Variants in LRRC1 observed in about 807,000 individuals in gnomAD.
LRRC1 encodes leucine-rich repeat-containing protein 1.
In LRRC1, 28 loss-of-function variants were observed where a neutral mutation model predicts 69.9. The ratio of observed to expected loss-of-function variants is 0.40; its 90% CI spans 0.30 to 0.55. The LOEUF is 0.55. Among genes scored for constraint, LRRC1 ranks in the 20% least tolerant of loss-of-function variants. The pLI is 0.47. For missense variants in LRRC1, 498 were observed against 609.0 expected (o/e 0.82, Z 1.92); for synonymous variants, 236 against 240.2 (o/e 0.98, Z 0.16).
rs1768340263 is a variant in LRRC1, at chr6:53,909,395, A to G, written c.991-4459A>G. On this transcript the variant is annotated intron_variant, in intron 10 of 13. Coordinates refer to ENST00000370888, the MANE Select transcript of LRRC1 (RefSeq NM_018214.5). ...TGTGATACATCCATAGAAGGAAATAACTATGTGGTCCATAAAAGTCCTCTT... is the reference window on the plus strand; with the variant it reads ...TGTGATACATCCATAGAAGGAAATAGCTATGTGGTCCATAAAAGTCCTCTT... Among the ~76,000 whole-genome samples the G allele has an allele frequency of 3.3e-5, 5 of 152,300 alleles. No homozygotes were observed. In the South Asian group the frequency reaches 1.0e-3, roughly 32 times the overall value.
At chr6:53,909,232 A>G (rs1202149692) in intron 10 of LRRC1, among the ~76,000 whole-genome samples, 2 of 152,234 alleles carry the variant, frequency 1.3e-5, no homozygotes, top group Non-Finnish European at 2.9e-5. Flanking sequence ...TCTATGAGGT[A>G]TAGGTAAACC....
rs1768674455 is a variant in LRRC1 at position 53,919,493 on chromosome 6, A to T, written c.1107-5A>T. The T allele has an allele frequency of 2.0e-6, 3 of 1,530,350 alleles. No individual in the cohort carries two copies. In the East Asian group the frequency reaches 7.1e-5, roughly 36 times the overall value. 94.8% of individuals were successfully genotyped at this position (1,530,350 alleles called of 1,614,324 possible). ...CTCTTTTTTTAAAAAAAAAAAAAAA[A>T]ACAGGTTGCTGCATCTACCTTTATC... On this transcript the variant is annotated splice_polypyrimidine_tract_variant and splice_region_variant and intron_variant, in intron 11 of 13. Transcript: ENST00000370888.
At chr6:53,831,643 A>C (rs78756606) in intron 1 of LRRC1, among the ~76,000 whole-genome samples, 28,396 of 152,140 alleles carry the variant, frequency 0.19, 2,899 homozygotes, top group Middle Eastern at 0.32. Flanking sequence ...AGAGTAAGAG[A>C]TAAAGTCCTT....
intron 2 of LRRC1, among the ~76,000 whole-genome samples, chr6:53,866,471 A>G (rs1290988956): frequency 6.6e-6 from 1 of 152,114 alleles, no homozygotes; most frequent in South Asian, 2.1e-4. Context: ...ACAATAGAGA[A>G]CGATATAGGT....
At chr6:53,799,497 G>A (rs909757179) in intron 1 of LRRC1, among the ~76,000 whole-genome samples, 1 of 152,194 alleles carries the variant, frequency 6.6e-6, no homozygotes, top group African/African-American at 2.4e-5. Flanking sequence ...ACACCAATCT[G>A]GTGAAGCTAT....
At position 53,914,404 on chromosome 6, in the gene LRRC1, C is replaced by A. The variant is rs1768503966; in HGVS notation, c.1106+435C>A. Among the ~76,000 whole-genome samples the A allele has an allele frequency of 1.3e-5, 2 of 152,162 alleles. 1 individual carries two copies. Among genetic ancestry groups the A allele is most frequent in the East Asian group, 3.8e-4 (2 of 5,196 alleles). ...AACCAGGGGACCTTGATATACTCTG[C>A]TGGTGACTCTGAACCCCCTGAAAAT... On this transcript the variant is annotated intron_variant, in intron 11 of 13. Transcript: ENST00000370888.
At chr6:53,901,958 C>T (rs980250389) in intron 8 of LRRC1, among the ~76,000 whole-genome samples, 9 of 152,186 alleles carry the variant, frequency 5.9e-5, no homozygotes, top group African/African-American at 2.2e-4. Context: ...GTGTTAGCCA[C>T]TCAGTAGAGA....
At chr6:53,870,344 G>A (rs1312345576) in intron 2 of LRRC1, among the ~76,000 whole-genome samples, 1 of 151,990 alleles carries the variant, frequency 6.6e-6, no homozygotes, top group African/African-American at 2.4e-5. Flanking sequence ...TCTTTTCCCT[G>A]TGCTTCTTTG....
intron 1 of LRRC1, among the ~76,000 whole-genome samples, chr6:53,834,096 G>GTAACCT (rs1436559584): frequency 6.6e-6 from 1 of 151,936 alleles, no homozygotes; most frequent in Non-Finnish European, 1.5e-5. Context: ...TTTTTTCTTT[G>GTAACCT]TATGCCCTTT....
At chr6:53,868,018 G>A (rs768691332) in intron 2 of LRRC1, among the ~76,000 whole-genome samples, 8 of 151,810 alleles carry the variant, frequency 5.3e-5, no homozygotes, top group Non-Finnish European at 1.2e-4. Flanking sequence ...GTGTTGGTAC[G>A]TAGTAATTTT....
intron 11 of LRRC1, 126 bp downstream of exon 11, chr6:53,914,095 A>G (rs956842868): frequency 1.6e-5 from 10 of 641,844 alleles, no homozygotes; most frequent in Admixed American, 5.2e-5. Context: ...TTTTCAAATG[A>G]CCTAGGCCTC....
chr6:53,804,625 GTTAT>G (rs901435330), intron 1 of LRRC1, among the ~76,000 whole-genome samples: 2 of 152,156 alleles, frequency 1.3e-5, no homozygotes, highest in Non-Finnish European at 2.9e-5. Context: ...ATATAGCACT[GTTAT>G]TTATTTTTTA....
chr6:53,842,356 A>T, intron 2 of LRRC1, 129 bp downstream of exon 2: 1 of 637,722 alleles, frequency 1.6e-6, no homozygotes, highest in Non-Finnish European at 2.8e-6. Context: ...GCTGAGAATG[A>T]TGGTTTCCAG....
At chr6:53,807,684 G>A (rs1764671854) in intron 1 of LRRC1, among the ~76,000 whole-genome samples, 1 of 152,172 alleles carries the variant, frequency 6.6e-6, no homozygotes, top group African/African-American at 2.4e-5. Context: ...GATGGAGGTT[G>A]CAGTGAGCCA....
At chr6:53,832,897 TTC>T (rs1203875943) in intron 1 of LRRC1, among the ~76,000 whole-genome samples, 1 of 152,210 alleles carries the variant, frequency 6.6e-6, no homozygotes, top group Admixed American at 6.5e-5. Context: ...AATTTTACAT[TTC>T]TTTTTTCCCT....
chr6:53,852,481 A>T (rs556252956), intron 2 of LRRC1, among the ~76,000 whole-genome samples: 91 of 152,296 alleles, frequency 6.0e-4, no homozygotes, highest in African/African-American at 2.2e-3. Flanking sequence ...CTGCTTCACC[A>T]CATGTGTCAT....
At chr6:53,920,852 G>A in intron 13 of LRRC1, 91 bp downstream of exon 13, 1 of 1,428,904 alleles carries the variant, frequency 7.0e-7, no homozygotes, top group East Asian at 2.4e-5. Flanking sequence ...TTTTCAATTA[G>A]TATGTTCTCT....
chr6:53,835,933 C>T (rs755581191), intron 1 of LRRC1, among the ~76,000 whole-genome samples: 17 of 152,190 alleles, frequency 1.1e-4, no homozygotes, highest in Non-Finnish European at 1.9e-4. Flanking sequence ...TCTCTACTCC[C>T]TTAAATATGG....
chr6:53,815,422 G>T (rs1287540707), intron 1 of LRRC1, among the ~76,000 whole-genome samples: 1 of 150,970 alleles, frequency 6.6e-6, no homozygotes, highest in Non-Finnish European at 1.5e-5. Flanking sequence ...CTCCTCCTGG[G>T]CCATTATTTG....
Sources: gnomAD v4.1 joint callset for allele counts (sites outside exome capture counted in the v4.1 genomes callset) on GRCh38, gnomAD v4.1.1 for gene constraint, MANE v1.5 for transcripts, NCBI Gene and HGNC (gene_info 2026-07-23, HGNC 2026-07-21) for gene names.